Variants in NUP160 observed in about 807,000 individuals in gnomAD.
NUP160 encodes the protein nuclear pore complex protein Nup160.
In NUP160, 94 loss-of-function variants were observed where a neutral mutation model predicts 196.9. The ratio of observed to expected loss-of-function variants is 0.48; its 90% CI spans 0.40 to 0.57. The LOEUF is 0.57. Ranked by LOEUF, NUP160 falls within the 20% of genes least tolerant of loss-of-function variation. NUP160 has a pLI of 0.00. For missense variants in NUP160, 1,638 were observed against 1,748.3 expected (o/e 0.94, Z 1.13); for synonymous variants, 605 against 619.7 (o/e 0.98, Z 0.35).
intron 6 of NUP160, among the ~76,000 whole-genome samples, chr11:47,836,628 A>T (rs547581681): frequency 1.6e-4 from 24 of 152,122 alleles, no homozygotes; most frequent in African/African-American, 3.9e-4. Flanking sequence ...TAAAAAATTT[A>T]AAAAAAAGTG....
At chr11:47,784,901 T>C in intron 33 of NUP160, 21 bp downstream of exon 33, 1 of 1,551,922 alleles carries the variant, frequency 6.4e-7, no homozygotes, top group Non-Finnish European at 8.7e-7. Context: ...TCTTACTCTG[T>C]ACAAGTTATA....
chr11:47,814,526 G>C (rs2097683171), intron 13 of NUP160, among the ~76,000 whole-genome samples: 1 of 145,318 alleles, frequency 6.9e-6, no homozygotes, highest in Non-Finnish European at 1.5e-5. Flanking sequence ...GGGCGACAGA[G>C]CAAGACTGTC....
chr11:47,845,092 G>A (rs1852373751), intron 2 of NUP160, among the ~76,000 whole-genome samples: 1 of 152,146 alleles, frequency 6.6e-6, no homozygotes, highest in South Asian at 2.1e-4. Context: ...ATAAAAATGG[G>A]CAACCAGCAG....
At chr11:47,784,003 C>T (rs1480153504) in intron 33 of NUP160, among the ~76,000 whole-genome samples, 2 of 19,316 alleles carry the variant, frequency 1.0e-4, no homozygotes, top group Non-Finnish European at 2.3e-3. Context: ...CTCCTTTCTA[C>T]CTTAAAAAAA....
intron 6 of NUP160, among the ~76,000 whole-genome samples, chr11:47,836,238 ACT>A (rs1402802625): frequency 2.0e-5 from 3 of 151,998 alleles, no homozygotes; most frequent in Non-Finnish European, 2.9e-5. Flanking sequence ...ACAGAGCGAG[ACT>A]CTGTTTCGGG....
chr11:47,848,204 T>C lies in NUP160; in HGVS notation c.202+15A>G, dbSNP rs1298879985. 6 of 1,614,010 alleles carry C rather than the reference T, an allele frequency of 3.7e-6. No homozygotes were observed. The highest frequency in any genetic ancestry group is 4.5e-5 in the East Asian group (2 of 44,882). On this transcript the variant is annotated intron_variant, in intron 1 of 35. Coordinates refer to ENST00000378460, the Ensembl canonical transcript of NUP160. ...GGGACAGATGGGATCGCACCCTCCC[T>C]GGCCATTTCCGTACCAATGCTGCAG...
At chr11:47,818,501 T>C (rs943137692) in intron 10 of NUP160, among the ~76,000 whole-genome samples, 1 of 151,898 alleles carries the variant, frequency 6.6e-6, no homozygotes, top group Non-Finnish European at 1.5e-5. Flanking sequence ...ATGACTCACA[T>C]GTAAAAGAAA....
intron 2 of NUP160, among the ~76,000 whole-genome samples, chr11:47,845,127 A>G (rs533157713): frequency 6.6e-6 from 1 of 152,254 alleles, no homozygotes; most frequent in African/African-American, 2.4e-5. Context: ...CTGTCTATGG[A>G]GTAGCCATTC....
chr11:47,846,893 C>T (rs1852411290), intron 2 of NUP160, among the ~76,000 whole-genome samples: 2 of 152,148 alleles, frequency 1.3e-5, no homozygotes, highest in African/African-American at 2.4e-5. Flanking sequence ...GATAGGTTTT[C>T]CAACCTTTGC....
chr11:47,810,719 T>C (rs1454222954), intron 17 of NUP160, among the ~76,000 whole-genome samples: 6 of 151,986 alleles, frequency 3.9e-5, no homozygotes, highest in South Asian at 4.2e-4. Flanking sequence ...GCTAACTTTT[T>C]TGTTTTAATA....
At chr11:47,829,126 T>C (rs1852028474) in intron 7 of NUP160, among the ~76,000 whole-genome samples, 1 of 152,132 alleles carries the variant, frequency 6.6e-6, no homozygotes, top group Admixed American at 6.6e-5. Flanking sequence ...AAACATGTGC[T>C]TCATGGGACA....
At chr11:47,787,625 T>C (rs1049388097) in intron 31 of NUP160, among the ~76,000 whole-genome samples, 2 of 152,000 alleles carry the variant, frequency 1.3e-5, no homozygotes, top group Admixed American at 6.6e-5. Flanking sequence ...GGTTTCACCA[T>C]GTTGGCCAGG....
At chr11:47,816,002 A>C in exon 12 of NUP160, 1 of 1,613,718 alleles carries the variant, frequency 6.2e-7, no homozygotes, top group Non-Finnish European at 8.5e-7. Flanking sequence ...GAAAGATCCA[A>C]ATTCCTCTCA....
rs2097684292 is a variant in NUP160, at chr11:47,816,125, TA to T, written c.1432-97del. 5.0e-6 allele frequency: 4 copies of T among 792,716 alleles called. No individual in the cohort carries two copies. The South Asian group carries it at 7.1e-5, about 14-fold the overall frequency. The allele number at this position is 792,716 out of a possible 1,614,324, so 49.1% of individuals were successfully genotyped here. On this transcript the variant is annotated intron_variant, in intron 11 of 35. Coordinates refer to ENST00000378460, the Ensembl canonical transcript of NUP160. ...GACATAGAGGCAATATAAAACTATA[TA>T]ATAGAGATTTGGCATACCTGGAACA...
intron 34 of NUP160, among the ~76,000 whole-genome samples, chr11:47,782,206 C>T (rs1287577171): frequency 6.7e-6 from 1 of 150,006 alleles, no homozygotes; most frequent in African/African-American, 2.5e-5. Context: ...ATCACTTGAA[C>T]CCGGGAGGCG....
At chr11:47,840,024 G>T (rs1389698769) in exon 4 of NUP160, 1 of 1,614,040 alleles carries the variant, frequency 6.2e-7, no homozygotes. Context: ...CTTTTCCAAT[G>T]TCAGTGAATA....
At chr11:47,814,209 T>A (rs756203788) in intron 13 of NUP160, among the ~76,000 whole-genome samples, 3 of 151,002 alleles carry the variant, frequency 2.0e-5, no homozygotes, top group African/African-American at 2.4e-5. Context: ...ATCATTCTCA[T>A]GAAAGACAAA....
chr11:47,796,079 G>T, intron 27 of NUP160: 1 of 222,068 alleles, frequency 4.5e-6, no homozygotes, highest in Non-Finnish European at 8.7e-6. Context: ...ATTTGAACCT[G>T]GGAGGTGGAG....
Position 47,806,059 on chromosome 11 carries a change from CT to C in NUP160, c.2606+93del, listed in dbSNP as rs879563060. The C allele has an allele frequency of 9.3e-6, 11 of 1,184,220 alleles. 1 individual carries two copies. The Admixed American group carries it at 1.7e-4, about 19-fold the overall frequency. The allele number at this position is 1,184,220 out of a possible 1,614,324, so 73.4% of individuals were successfully genotyped here. A position where few individuals can be genotyped will look rare whatever the true frequency, so the allele number is the denominator to read the frequency against. On this transcript the variant is annotated intron_variant, in intron 20 of 35. Coordinates refer to ENST00000378460, the Ensembl canonical transcript of NUP160. ...GAACTTCTGGCCATAAGTGATAAAC[CT>C]GCCTCCACCTCCCAAAGTGCTGGGA...
Sources: gnomAD v4.1 joint callset for allele counts (sites outside exome capture counted in the v4.1 genomes callset) on GRCh38, gnomAD v4.1.1 for gene constraint, MANE v1.5 for transcripts, NCBI Gene and HGNC (gene_info 2026-07-23, HGNC 2026-07-21) for gene names.